EPHX2: variants seen among roughly 807,000 people sequenced by gnomAD.
The protein encoded by EPHX2 is epoxide hydrolase 2.
A neutral mutation model predicts 78.7 loss-of-function variants in EPHX2; 74 were observed. That is an observed-to-expected ratio of 0.94 (90% CI 0.78 to 1.14). The LOEUF (loss-of-function observed/expected upper bound fraction) is 1.14. Among genes scored for constraint, EPHX2 ranks in the 50% most tolerant of loss-of-function variants. The pLI is 0.00. For missense variants in EPHX2, 715 were observed against 702.5 expected (o/e 1.02, Z -0.20); for synonymous variants, 251 against 255.2 (o/e 0.98, Z 0.16).
At chr8:27,531,003 C>T (rs1003087816) in intron 12 of EPHX2, among the ~76,000 whole-genome samples, 1 of 151,834 alleles carries the variant, frequency 6.6e-6, no homozygotes, top group Non-Finnish European at 1.5e-5. Context: ...CCTCAGGTGA[C>T]TTACCTGCCT....
chr8:27,503,546 C>A (rs906196056), intron 2 of EPHX2, 58 bp from the exon 3 acceptor site: 1 of 1,531,766 alleles, frequency 6.5e-7, no homozygotes, highest in African/African-American at 1.4e-5. Flanking sequence ...ATTTAGTAGA[C>A]CCTGCCAGAG....
intron 10 of EPHX2, among the ~76,000 whole-genome samples, chr8:27,521,180 T>C (rs1159347847): frequency 2.6e-5 from 4 of 152,184 alleles, no homozygotes; most frequent in Non-Finnish European, 5.9e-5. Flanking sequence ...CAGCCTTGAG[T>C]ATCCATTAGA....
chr8:27,520,311 G>T (rs552658945), intron 9 of EPHX2, among the ~76,000 whole-genome samples: 2 of 151,374 alleles, frequency 1.3e-5, no homozygotes, highest in Non-Finnish European at 2.9e-5. Flanking sequence ...GATTACAGGC[G>T]CCGGCCACCG....
intron 1 of EPHX2, 132 bp downstream of exon 1, chr8:27,491,441 A>T (rs1188048838): frequency 3.0e-6 from 2 of 659,278 alleles, no homozygotes; most frequent in East Asian, 6.6e-5. Flanking sequence ...GAAACTGAAG[A>T]CCTGGCCCTG....
In EPHX2 at chr8:27,505,080, A is replaced by G. The variant is rs1813948922; in HGVS notation, c.471A>G (p.Gly157=). 2 of 1,613,130 alleles carry G rather than the reference A, an allele frequency of 1.2e-6. No individual in the cohort carries two copies. The highest frequency in any genetic ancestry group is 2.7e-5 in the African/African-American group (2 of 74,796). ...TCCTGATAGAGTCGTGTCAGGTGGG[A>G]ATGGTCAAACCTGAACCTCAGATCT... ...FDFLIESCQV[G]MVKPEPQIYK... is the part of the protein sequence containing the mutation. The change falls in exon 4 of 19, where the codon GGA becomes GGG. Residue 157 remains glycine, a synonymous_variant. Coordinates refer to ENST00000521400, the MANE Select transcript of EPHX2 (RefSeq NM_001979.6).
At chr8:27,536,302 G>A (rs1306300142) in intron 12 of EPHX2, among the ~76,000 whole-genome samples, 5 of 152,114 alleles carry the variant, frequency 3.3e-5, no homozygotes, top group South Asian at 2.1e-4. Context: ...ATGGGGTCTC[G>A]CTAGGTTGCC....
intron 11 of EPHX2, among the ~76,000 whole-genome samples, 183 bp downstream of exon 11, chr8:27,522,691 G>A (rs1814691244): frequency 6.6e-6 from 1 of 152,176 alleles, no homozygotes; most frequent in Non-Finnish European, 1.5e-5. Flanking sequence ...GGGCGTGGTG[G>A]CTCATGCCTG....
At chr8:27,501,263 A>T (rs1813757959) in intron 2 of EPHX2, among the ~76,000 whole-genome samples, 1 of 152,068 alleles carries the variant, frequency 6.6e-6, no homozygotes, top group Non-Finnish European at 1.5e-5. Context: ...CTTTTTATTT[A>T]ATCCATAAAA....
In EPHX2 at chr8:27,516,378, G is replaced by A. The variant is rs976078093; in HGVS notation, c.890G>A (p.Gly297Glu). Residue 297 changes from glycine to glutamate, a missense_variant, in exon 8 of 19, where the codon GGA becomes GAA. Gly to Glu is a moderately conservative substitution (Grantham distance 98, BLOSUM62 -2). Coordinates refer to ENST00000521400, the MANE Select transcript of EPHX2 (RefSeq NM_001979.6). ...CTAGCTATGGACATGAAAGGCTATGGAGAGTCATCTGCTCCTCCCGGTGGG... is the reference window on the plus strand; with the variant it reads ...CTAGCTATGGACATGAAAGGCTATGAAGAGTCATCTGCTCCTCCCGGTGGG... Reference protein sequence around the residue: ...RVLAMDMKGYGESSAPPEIEE... With the variant: ...RVLAMDMKGYEESSAPPEIEE... 3.4e-5 allele frequency: 55 copies of A among 1,613,974 alleles called. No homozygotes were observed. Among genetic ancestry groups the A allele is most frequent in the Non-Finnish European group, 4.5e-5 (53 of 1,179,988 alleles).
At chr8:27,527,898 C>T (rs4149247) in intron 12 of EPHX2, among the ~76,000 whole-genome samples, 47,442 of 152,034 alleles carry the variant, frequency 0.31, 11,389 homozygotes, top group African/African-American at 0.68. Flanking sequence ...CTGAGCAAAC[C>T]GAGGCTCAGA....
chr8:27,547,028 A>G (rs1189770963), downstream of EPHX2, among the ~76,000 whole-genome samples: 3 of 152,174 alleles, frequency 2.0e-5, no homozygotes, highest in African/African-American at 7.2e-5. Context: ...ACACACTTTT[A>G]TAAACAACCA....
chr8:27,541,403 T>C, intron 15 of EPHX2, 70 bp from the exon 16 acceptor site: 2 of 1,509,412 alleles, frequency 1.3e-6, no homozygotes, highest in South Asian at 2.3e-5. Context: ...CAGAGCAGGT[T>C]TCTGCTGGTG....
chr8:27,514,043 TGTG>T (rs1814352021), intron 6 of EPHX2, among the ~76,000 whole-genome samples: 1 of 152,030 alleles, frequency 6.6e-6, no homozygotes, highest in South Asian at 2.1e-4. Flanking sequence ...TGGGGCCAGG[TGTG>T]GTGGCTCATG....
Position 27,506,249 on chromosome 8 carries a change from G to C in EPHX2, c.538-623G>C, listed in dbSNP as rs1393301994. ...ACCAATCCTTCCAGTCTCCCAAAGT[G>C]CTGGGATTACAGGTGTGAGCCATCA... On this transcript the variant is annotated intron_variant, in intron 4 of 18. Coordinates refer to ENST00000521400, the MANE Select transcript of EPHX2 (RefSeq NM_001979.6). 4.6e-5 allele frequency among the ~76,000 whole-genome samples: 7 copies of C among 152,256 alleles called. No individual in the cohort carries two copies. In the East Asian group the frequency reaches 1.4e-3, roughly 29 times the overall value.
At chr8:27,521,231 C>CT (rs756262636) in intron 10 of EPHX2, among the ~76,000 whole-genome samples, 1 of 152,224 alleles carries the variant, frequency 6.6e-6, no homozygotes, top group East Asian at 1.9e-4. Context: ...TTTCTCAGCT[C>CT]TTTAAACTTT....
rs72475814 is a variant in EPHX2 at position 27,506,795 on chromosome 8, T to C, written c.538-77T>C. 4.4e-4 allele frequency: 687 copies of C among 1,547,510 alleles called. 1 individual carries two copies. In the African/African-American group the frequency reaches 6.2e-3, roughly 14 times the overall value. ...TATAAAAGAAAAAGAGTTTTTAATCTCCTCATCATAAAATAGCCCCTGTTT... is the reference window on the plus strand; with the variant it reads ...TATAAAAGAAAAAGAGTTTTTAATCCCCTCATCATAAAATAGCCCCTGTTT... On this transcript the variant is annotated intron_variant, in intron 4 of 18. Transcript: ENST00000521400.
intron 1 of EPHX2, 113 bp downstream of exon 1, chr8:27,491,422 G>A: frequency 1.3e-6 from 1 of 761,944 alleles, no homozygotes; most frequent in South Asian, 2.1e-5. Flanking sequence ...TGCGAATCAT[G>A]CGAATCATGA....
At chr8:27,531,289 T>A (rs1015808401) in intron 12 of EPHX2, among the ~76,000 whole-genome samples, 3 of 152,192 alleles carry the variant, frequency 2.0e-5, no homozygotes, top group Non-Finnish European at 2.9e-5. Context: ...AGGGCTGTTA[T>A]GGACAGAAAG....
chr8:27,518,430 TGGCCAGACCTA>T (rs1814535073), intron 9 of EPHX2, among the ~76,000 whole-genome samples: 1 of 152,366 alleles, frequency 6.6e-6, no homozygotes, highest in South Asian at 2.1e-4. Flanking sequence ...AAGACATTGT[TGGCCAGACCTA>T]GGCCAGACCT....
Sources: gnomAD v4.1 joint callset for allele counts (sites outside exome capture counted in the v4.1 genomes callset) on GRCh38, gnomAD v4.1.1 for gene constraint, MANE v1.5 for transcripts, NCBI Gene and HGNC (gene_info 2026-07-23, HGNC 2026-07-21) for gene names.